GPC6: variants seen among roughly 807,000 people sequenced by gnomAD.
GPC6 encodes glypican-6.
GPC6 carries 14 observed loss-of-function variants against 55.2 expected under a neutral mutation model. That is an observed-to-expected ratio of 0.25 (90% CI 0.17 to 0.40). GPC6 has a LOEUF of 0.40. Among genes scored for constraint, GPC6 ranks in the 10% least tolerant of loss-of-function variants. The probability of loss-of-function intolerance (pLI) is 1.00; values close to 1 mark genes in which losing one functional copy is unlikely to be tolerated. For synonymous variants in GPC6, 278 were observed against 259.6 expected (o/e 1.07, Z -0.68); for missense variants, 641 against 708.5 (o/e 0.90, Z 1.08).
intron 2 of GPC6, among the ~76,000 whole-genome samples, chr13:93,621,417 A>G (rs1471939161): frequency 3.3e-5 from 5 of 152,190 alleles, no homozygotes; most frequent in African/African-American, 1.2e-4. Context: ...AAATGGTATT[A>G]TCCTTTATTA....
rs545945425 is a variant in GPC6 at position 93,610,492 on chromosome 13, T to C, written c.319+65071T>C. Among the ~76,000 whole-genome samples, 4 of 152,168 alleles carry C rather than the reference T, an allele frequency of 2.6e-5. No individual in the cohort carries two copies. The South Asian group carries it at 8.3e-4, about 32-fold the overall frequency. ...GCACTTATGTTCTAGTCAGGGGAGA[T>C]AAACAATAAACAAGGGAAGCGTATC... On this transcript the variant is annotated intron_variant, in intron 2 of 8. Transcript: ENST00000377047.
At chr13:93,653,932 G>A (rs1024434604) in intron 2 of GPC6, among the ~76,000 whole-genome samples, 2 of 152,088 alleles carry the variant, frequency 1.3e-5, no homozygotes, top group Non-Finnish European at 2.9e-5. Flanking sequence ...ACTTTTATCC[G>A]CCTAGAGAAG....
intron 4 of GPC6, among the ~76,000 whole-genome samples, chr13:94,134,070 C>A (rs75853079): frequency 6.6e-6 from 1 of 152,086 alleles, no homozygotes; most frequent in Non-Finnish European, 1.5e-5. Context: ...CTCAACACAC[C>A]CTACAATGAG....
Position 93,556,368 on chromosome 13 carries a change from T to C in GPC6, c.319+10947T>C, listed in dbSNP as rs558277949. Among the ~76,000 whole-genome samples the C allele has an allele frequency of 9.0e-3, 1,180 of 131,172 alleles. 22 individuals carry two copies. The highest frequency in any genetic ancestry group is 0.032 in the African/African-American group (1,072 of 33,404). 86.1% of individuals were successfully genotyped at this position (131,172 alleles called of 152,430 possible). ...TTTTTTTATTTTTAATTTTTGTGGG[T>C]AAATAGTGTGTGTGTGTGTGTGTGT... On this transcript the variant is annotated intron_variant, in intron 2 of 8. Transcript: ENST00000377047.
chr13:93,488,275 C>T (rs2139351384), intron 1 of GPC6, among the ~76,000 whole-genome samples: 1 of 152,278 alleles, frequency 6.6e-6, no homozygotes, highest in East Asian at 1.9e-4. Flanking sequence ...CAGCTTCATC[C>T]ATGTCCCTAC....
intron 1 of GPC6, among the ~76,000 whole-genome samples, chr13:93,464,319 T>C (rs1381303750): frequency 2.0e-5 from 3 of 152,206 alleles, no homozygotes; most frequent in African/African-American, 4.8e-5. Context: ...AGTATTTCCC[T>C]GTAGCATGTG....
chr13:93,538,198 C>T (rs991371053), intron 1 of GPC6, among the ~76,000 whole-genome samples: 1 of 152,004 alleles, frequency 6.6e-6, no homozygotes, highest in Non-Finnish European at 1.5e-5. Flanking sequence ...TCAGGGTAAC[C>T]TTGATGTCTA....
At chr13:93,859,489 G>A (rs1464253706) in intron 3 of GPC6, among the ~76,000 whole-genome samples, 1 of 151,582 alleles carries the variant, frequency 6.6e-6, no homozygotes, top group Non-Finnish European at 1.5e-5. Context: ...AGGAATATTT[G>A]GGTTTAAACT....
At chr13:94,256,834 T>C (rs1891521565) in intron 4 of GPC6, among the ~76,000 whole-genome samples, 1 of 152,170 alleles carries the variant, frequency 6.6e-6, no homozygotes, top group Admixed American at 6.5e-5. Flanking sequence ...GAGGGAGCTG[T>C]AATTATTAAG....
intron 2 of GPC6, among the ~76,000 whole-genome samples, chr13:93,722,801 C>T (rs1883496435): frequency 6.6e-6 from 1 of 151,876 alleles, no homozygotes; most frequent in Non-Finnish European, 1.5e-5. Context: ...TCCATTCCTG[C>T]AATTCTTGGT....
chr13:93,602,547 C>T (rs570356724), intron 2 of GPC6, among the ~76,000 whole-genome samples: 8 of 152,152 alleles, frequency 5.3e-5, no homozygotes, highest in African/African-American at 1.7e-4. Flanking sequence ...GTAAGGGAAA[C>T]TGAAAATCTT....
At chr13:93,553,270 A>G (rs1298887050) in intron 2 of GPC6, among the ~76,000 whole-genome samples, 1 of 152,170 alleles carries the variant, frequency 6.6e-6, no homozygotes, top group African/African-American at 2.4e-5. Flanking sequence ...CAAATAAGAT[A>G]GTAAAGCCAT....
At chr13:94,153,967 A>G (rs1262774355) in intron 4 of GPC6, among the ~76,000 whole-genome samples, 2 of 152,212 alleles carry the variant, frequency 1.3e-5, no homozygotes, top group African/African-American at 4.8e-5. Flanking sequence ...AAAAAATACT[A>G]TATAAGACTT....
intron 2 of GPC6, among the ~76,000 whole-genome samples, chr13:93,747,586 T>C (rs940718672): frequency 3.3e-5 from 5 of 152,236 alleles, no homozygotes; most frequent in African/African-American, 4.8e-5. Flanking sequence ...TGGCTGCGTA[T>C]GTGACTACCC....
intron 2 of GPC6, among the ~76,000 whole-genome samples, chr13:93,652,770 T>C (rs1880470805): frequency 6.6e-6 from 1 of 152,212 alleles, no homozygotes; most frequent in South Asian, 2.1e-4. Flanking sequence ...TAAATAAATG[T>C]TTAACAAAAT....
At chr13:94,174,572 G>T (rs536127808) in intron 4 of GPC6, among the ~76,000 whole-genome samples, 3 of 152,042 alleles carry the variant, frequency 2.0e-5, no homozygotes, top group African/African-American at 7.2e-5. Flanking sequence ...AAAGCAGAAG[G>T]TCAGTGAACA....
intron 3 of GPC6, among the ~76,000 whole-genome samples, chr13:93,975,419 G>T (rs986609111): frequency 1.3e-5 from 2 of 151,986 alleles, no homozygotes; most frequent in African/African-American, 2.4e-5. Context: ...GAGCATTTCC[G>T]TACTTTCTTC....
intron 2 of GPC6, among the ~76,000 whole-genome samples, chr13:93,755,067 T>C (rs1884724395): frequency 6.6e-6 from 1 of 152,236 alleles, no homozygotes; most frequent in African/African-American, 2.4e-5. Context: ...TTCTTAAACA[T>C]GTATAGCTTT....
At chr13:93,243,308 C>T (rs1267375563) in intron 1 of GPC6, among the ~76,000 whole-genome samples, 3 of 152,234 alleles carry the variant, frequency 2.0e-5, no homozygotes, top group African/African-American at 7.2e-5. Flanking sequence ...CCAACAATCT[C>T]CCCTTAACAT....
Sources: allele counts gnomAD v4.1 joint callset (sites outside exome capture counted in the v4.1 genomes callset), GRCh38; gene constraint gnomAD v4.1.1; transcripts MANE v1.5; gene names NCBI Gene and HGNC (gene_info 2026-07-23, HGNC 2026-07-21).